MTFR2: variants seen among roughly 807,000 people sequenced by gnomAD.
MTFR2 encodes the protein mitochondrial fission regulator 2.
A neutral mutation model predicts 41.2 loss-of-function variants in MTFR2; 44 were observed. The observed-to-expected ratio is 1.07, with a 90% confidence interval of 0.84 to 1.37. The LOEUF is 1.37. Among genes scored for constraint, MTFR2 ranks in the 40% most tolerant of loss-of-function variants. MTFR2 has a pLI of 0.00. For missense variants in MTFR2, 452 were observed against 459.5 expected (o/e 0.98, Z 0.15); for synonymous variants, 141 against 154.6 (o/e 0.91, Z 0.65).
Position 136,242,945 on chromosome 6 carries a change from G to C in MTFR2, c.197C>G (p.Ser66Cys), listed in dbSNP as rs761864764. Residue 66 changes from serine (S) to cysteine (C), a missense_variant, in exon 4 of 8, where the codon TCT (serine) becomes TGT (cysteine). By Grantham distance (112) the Ser-to-Cys change is moderately radical. Transcript: ENST00000420702. ...TGGAACCATAGATCCACAATTATCAGAGTCTACAGAGTTCAAGAGCGGGAT... is the reference window on the plus strand; with the variant it reads ...TGGAACCATAGATCCACAATTATCACAGTCTACAGAGTTCAAGAGCGGGAT... ...ELIPLLNSVD[S>C]DNCGSMVPSF... 1 of 1,610,266 alleles carries C rather than the reference G, an allele frequency of 6.2e-7. No homozygotes were observed. The highest frequency in any genetic ancestry group is 1.1e-5 in the South Asian group (1 of 90,192).
intron 2 of MTFR2, chr6:136,248,828 AT>A: frequency 3.9e-6 from 2 of 510,312 alleles, no homozygotes; most frequent in Middle Eastern, 5.0e-4. Flanking sequence ...TTCTGTTGGC[AT>A]TTGTCCTATC....
chr6:136,232,306 C>G (rs12055677), intron 7 of MTFR2, among the ~76,000 whole-genome samples: 1 of 152,030 alleles, frequency 6.6e-6, no homozygotes, highest in Non-Finnish European at 1.5e-5. Context: ...CCAGGCTGGA[C>G]TGCAGTGGCA....
intron 4 of MTFR2, among the ~76,000 whole-genome samples, chr6:136,241,927 A>T (rs1296748646): frequency 6.6e-6 from 1 of 151,894 alleles, no homozygotes; most frequent in Non-Finnish European, 1.5e-5. Flanking sequence ...AAATATTTTT[A>T]AAAATTCGCC....
chr6:136,246,419 A>T (rs1780214412), intron 2 of MTFR2, among the ~76,000 whole-genome samples: 1 of 152,030 alleles, frequency 6.6e-6, no homozygotes, highest in Non-Finnish European at 1.5e-5. Flanking sequence ...AGTAGCTGGG[A>T]CCACAGGTGC....
chr6:136,237,270 G>A (rs1203053194), intron 6 of MTFR2, among the ~76,000 whole-genome samples: 1 of 152,172 alleles, frequency 6.6e-6, no homozygotes, highest in Non-Finnish European at 1.5e-5. Context: ...CTCACACAAA[G>A]AACATGCGAT....
chr6:136,243,127 CT>C (rs1780124191), intron 3 of MTFR2, among the ~76,000 whole-genome samples, 154 bp from the exon 4 acceptor site: 1 of 152,184 alleles, frequency 6.6e-6, no homozygotes, highest in Non-Finnish European at 1.5e-5. Context: ...CGAAAGAACA[CT>C]GGGGAAAATG....
intron 6 of MTFR2, among the ~76,000 whole-genome samples, chr6:136,234,676 A>G (rs1779858543): frequency 6.6e-6 from 1 of 152,206 alleles, no homozygotes; most frequent in Non-Finnish European, 1.5e-5. Context: ...AAGCAGGAGA[A>G]TGGCCTGATC....
chr6:136,237,349 A>G (rs1779932865), intron 6 of MTFR2, among the ~76,000 whole-genome samples: 1 of 152,222 alleles, frequency 6.6e-6, no homozygotes, highest in South Asian at 2.1e-4. Flanking sequence ...AACTAAAGAT[A>G]GAGATCAAAG....
intron 5 of MTFR2, 62 bp downstream of exon 5, chr6:136,241,382 G>T (rs1187854928): frequency 1.2e-5 from 16 of 1,298,806 alleles, no homozygotes; most frequent in Non-Finnish European, 1.6e-5. Flanking sequence ...ATGCTGTACA[G>T]GTTGGTATAG....
intron 6 of MTFR2, among the ~76,000 whole-genome samples, chr6:136,235,432 T>A (rs561168558): frequency 6.6e-6 from 1 of 151,964 alleles, no homozygotes; most frequent in African/African-American, 2.4e-5. Context: ...GTTTGAGTCA[T>A]AAGCATACAG....
intron 4 of MTFR2, 36 bp from the exon 5 acceptor site, chr6:136,241,712 T>C (rs1345493521): frequency 1.3e-6 from 2 of 1,498,858 alleles, no homozygotes; most frequent in South Asian, 1.2e-5. Flanking sequence ...GGAGGGAAGA[T>C]ATATTTCCAA....
At chr6:136,243,305 T>C (rs1780130292) in intron 3 of MTFR2, among the ~76,000 whole-genome samples, 1 of 152,234 alleles carries the variant, frequency 6.6e-6, no homozygotes, top group African/African-American at 2.4e-5. Context: ...ATGGACTGCA[T>C]ATACATGGGG....
At position 136,239,621 on chromosome 6, in the gene MTFR2, G is replaced by C. The variant is rs760492794; in HGVS notation, c.714C>G (p.Asp238Glu). 1.2e-6 allele frequency: 2 copies of C among 1,614,098 alleles called. No individual in the cohort carries two copies. Among genetic ancestry groups the C allele is most frequent in the Non-Finnish European group, 1.7e-6 (2 of 1,180,034 alleles). The change falls in exon 6 of 8, where the codon GAC (aspartate) becomes GAG (glutamate). Residue 238 changes from aspartate (D) to glutamate (E), a missense_variant. Transcript: ENST00000420702. ...TCATTTCAGTTGCTGGATTATCTGA[G>C]TCACAAATATTATTAGATCCTGGTT... is the stretch of plus-strand genomic sequence containing the variant. ...PVQPGSNNIC[D>E]SDNPATEMSK...
At chr6:136,240,962 G>A (rs558281520) in intron 5 of MTFR2, among the ~76,000 whole-genome samples, 3 of 152,110 alleles carry the variant, frequency 2.0e-5, no homozygotes, top group Non-Finnish European at 2.9e-5. Context: ...GTGGTGGCGG[G>A]CGCCTGTAGT....
At chr6:136,232,954 G>A (rs141458538) in intron 7 of MTFR2, among the ~76,000 whole-genome samples, 88 of 152,226 alleles carry the variant, frequency 5.8e-4, no homozygotes, top group African/African-American at 1.9e-3. Flanking sequence ...AAATCTTGGC[G>A]TATTCACATT....
intron 3 of MTFR2, among the ~76,000 whole-genome samples, chr6:136,244,278 T>C (rs1243880000): frequency 6.6e-6 from 1 of 152,232 alleles, no homozygotes; most frequent in Non-Finnish European, 1.5e-5. Context: ...CTTCCATTCA[T>C]GGTAGGTGCC....
chr6:136,231,669 T>TAGAAAAAAAAAAA (rs1779761130), intron 7 of MTFR2, among the ~76,000 whole-genome samples: 1 of 82,944 alleles, frequency 1.2e-5, no homozygotes, highest in African/African-American at 4.7e-5. Context: ...AAAAACTATG[T>TAGAAAAAAAAAAA]AAAAAAAAAA....
At chr6:136,246,264 CGTT>C (rs927121835) in intron 2 of MTFR2, among the ~76,000 whole-genome samples, 5 of 151,064 alleles carry the variant, frequency 3.3e-5, no homozygotes, top group African/African-American at 7.3e-5. Flanking sequence ...TCACCATTTT[CGTT>C]GTTGTTGTTG....
At chr6:136,232,080 T>C (rs181242761) in intron 7 of MTFR2, among the ~76,000 whole-genome samples, 23 of 152,340 alleles carry the variant, frequency 1.5e-4, no homozygotes, top group African/African-American at 5.3e-4. Flanking sequence ...CTTGCATTTT[T>C]ATAGTAATAG....
Sources: gnomAD v4.1 joint callset for allele counts (sites outside exome capture counted in the v4.1 genomes callset) on GRCh38, gnomAD v4.1.1 for gene constraint, MANE v1.5 for transcripts, NCBI Gene and HGNC (gene_info 2026-07-23, HGNC 2026-07-21) for gene names.